Variants in DCAF1 observed in about 807,000 individuals in gnomAD.
DCAF1 encodes the protein DDB1- and CUL4-associated factor 1.
A neutral mutation model predicts 128.0 loss-of-function variants in DCAF1; 15 were observed. The observed-to-expected ratio is 0.12, with a 90% CI of 0.08 to 0.18. The LOEUF is 0.18. DCAF1 is among the 10% of genes least tolerant of loss of function. The pLI is 1.00. For missense variants in DCAF1, 988 were observed against 1,649.5 expected (o/e 0.60, Z 6.95); for synonymous variants, 610 against 603.0 (o/e 1.01, Z -0.17).
chr3:51,440,031 G>C (rs1016156606), intron 9 of DCAF1: 8 of 335,154 alleles, frequency 2.4e-5, no homozygotes, highest in South Asian at 4.7e-5. Context: ...AGCTGATACA[G>C]GTAATATCTA....
In DCAF1 at chr3:51,466,824, C is replaced by T. The variant is rs781948802; in HGVS notation, c.240G>A (p.Lys80=). The T allele has an allele frequency of 1.5e-4, 241 of 1,613,544 alleles. No homozygotes were observed. Among genetic ancestry groups the T allele is most frequent in the Non-Finnish European group, 1.7e-4 (205 of 1,179,728 alleles). Residue 80 remains lysine (K), a synonymous_variant, in exon 5 of 25, where the codon AAG becomes AAA. Coordinates refer to ENST00000684031, the MANE Select transcript of DCAF1 (RefSeq NM_001387579.1). ...CTACTGCATTCATGAAATCATCATTCTTGAAGAGTATTCTCAGCAAGTGGC... is the reference window on the plus strand; with the variant it reads ...CTACTGCATTCATGAAATCATCATTTTTGAAGAGTATTCTCAGCAAGTGGC... ...MLGHLLRILF[K]NDDFMNALVN...
intron 6 of DCAF1, among the ~76,000 whole-genome samples, chr3:51,451,252 C>CAT (rs375310643): frequency 2.0e-3 from 296 of 149,236 alleles, no homozygotes; most frequent in Non-Finnish European, 3.5e-3. Context: ...CCACACTCAG[C>CAT]ATATATATAT....
chr3:51,404,804 G>C (rs1042412969), intron 23 of DCAF1, among the ~76,000 whole-genome samples: 8 of 152,134 alleles, frequency 5.3e-5, no homozygotes, highest in African/African-American at 1.9e-4. Flanking sequence ...CTATTCCAAA[G>C]CCTTGGCCAC....
chr3:51,419,445 T>C (rs1009460709), intron 15 of DCAF1, among the ~76,000 whole-genome samples: 1 of 152,134 alleles, frequency 6.6e-6, no homozygotes, highest in African/African-American at 2.4e-5. Context: ...AGGAAGCAAC[T>C]TGCACCAGCA....
intron 23 of DCAF1, among the ~76,000 whole-genome samples, chr3:51,404,614 A>G (rs552326550): frequency 3.9e-5 from 6 of 152,206 alleles, no homozygotes; most frequent in Non-Finnish European, 8.8e-5. Flanking sequence ...ACTTTTTGAT[A>G]AACTGTGTAA....
chr3:51,455,122 T>A (rs1553642526), intron 6 of DCAF1, among the ~76,000 whole-genome samples: 1 of 152,148 alleles, frequency 6.6e-6, no homozygotes, highest in African/African-American at 2.4e-5. Context: ...AATGTAAAGC[T>A]CTCATGTTGC....
intron 1 of DCAF1, among the ~76,000 whole-genome samples, chr3:51,498,771 A>C (rs1553662656): frequency 6.6e-6 from 1 of 152,174 alleles, no homozygotes; most frequent in African/African-American, 2.4e-5. Flanking sequence ...AGAAAACCCA[A>C]ATGGTCACAT....
rs1708687202 is a variant in DCAF1 at position 51,499,940 on chromosome 3, C to T, written c.-123G>A. On this transcript the variant is annotated 5_prime_UTR_variant, in exon 1 of 25. Coordinates refer to ENST00000684031, the MANE Select transcript of DCAF1 (RefSeq NM_001387579.1). ...GTGGCCACAGTTCACACACACACAG[C>T]CTCAGGTCCCGCACTCACTCTCCAC... is the stretch of plus-strand genomic sequence containing the variant. 6.8e-6 allele frequency: 1 copy of T among 147,720 alleles called. No individual in the cohort carries two copies. Among genetic ancestry groups the T allele is most frequent in the Admixed American group, 6.7e-5 (1 of 14,898 alleles). The allele number at this position is 147,720 out of a possible 1,614,324, so 9.2% of individuals were successfully genotyped here.
upstream of DCAF1, chr3:51,500,151 A>T (rs1253935996): frequency 2.0e-5 from 2 of 100,012 alleles, no homozygotes; most frequent in Non-Finnish European, 4.3e-5. Flanking sequence ...AAAAAAAAAA[A>T]ATCGAAGAGC....
intron 5 of DCAF1, 133 bp downstream of exon 5, chr3:51,466,670 C>G (rs1553646608): frequency 1.3e-6 from 1 of 752,482 alleles, no homozygotes; most frequent in Non-Finnish European, 2.2e-6. Flanking sequence ...TGGCCACAAC[C>G]AGGACTTTGG....
At chr3:51,412,834 A>G in intron 22 of DCAF1, among the ~76,000 whole-genome samples, 159 bp downstream of exon 22, 1 of 152,198 alleles carries the variant, frequency 6.6e-6, no homozygotes, top group Admixed American at 6.5e-5. Flanking sequence ...TTTGTACTGT[A>G]CATCTCCCAA....
chr3:51,431,634 C>T (rs1397634880), intron 10 of DCAF1, among the ~76,000 whole-genome samples: 2 of 151,990 alleles, frequency 1.3e-5, no homozygotes, highest in African/African-American at 4.8e-5. Flanking sequence ...TTTATTATCT[C>T]CATAACAAAC....
At chr3:51,426,056 G>A (rs1699882101) in intron 13 of DCAF1, among the ~76,000 whole-genome samples, 1 of 152,128 alleles carries the variant, frequency 6.6e-6, no homozygotes, top group Admixed American at 6.5e-5. Flanking sequence ...TTCTCTCATT[G>A]CATAGTAAGA....
chr3:51,491,146 G>A (rs1184260425), intron 2 of DCAF1, among the ~76,000 whole-genome samples: 16 of 150,774 alleles, frequency 1.1e-4, no homozygotes, highest in African/African-American at 3.4e-4. Flanking sequence ...TCAAGAGATC[G>A]AGACCATTCT....
chr3:51,475,718 G>A (rs908394222), intron 3 of DCAF1, among the ~76,000 whole-genome samples: 2 of 152,148 alleles, frequency 1.3e-5, no homozygotes, highest in African/African-American at 4.8e-5. Context: ...AAAATTAGCC[G>A]GGCACGGTGG....
At position 51,398,716 on chromosome 3, in the gene DCAF1, A is replaced by G; in HGVS notation, c.*53T>C. The G allele has an allele frequency of 2.6e-6, 4 of 1,554,914 alleles. No individual in the cohort carries two copies. Among genetic ancestry groups the G allele is most frequent in the Non-Finnish European group, 3.5e-6 (4 of 1,149,676 alleles). On this transcript the variant is annotated 3_prime_UTR_variant, in exon 25 of 25. Transcript: ENST00000684031. ...AGAGAAGGGAATATGTTCTGAATTC[A>G]TTTGACTCAGTTTCTCGCCTGCCAA... is the stretch of plus-strand genomic sequence containing the variant.
At chr3:51,430,598 G>A (rs1001022182) in intron 10 of DCAF1, among the ~76,000 whole-genome samples, 3 of 152,104 alleles carry the variant, frequency 2.0e-5, no homozygotes, top group Non-Finnish European at 4.4e-5. Flanking sequence ...CTAGGAGTTT[G>A]GTATTCATTC....
chr3:51,410,323 T>C (rs1161988254), intron 23 of DCAF1, among the ~76,000 whole-genome samples: 1 of 152,202 alleles, frequency 6.6e-6, no homozygotes, highest in Non-Finnish European at 1.5e-5. Context: ...GTCAAAACAG[T>C]GAAGACCAAG....
intron 6 of DCAF1, among the ~76,000 whole-genome samples, chr3:51,462,290 C>T (rs377206953): frequency 1.3e-5 from 2 of 151,886 alleles, no homozygotes; most frequent in East Asian, 1.9e-4. Context: ...GGCATGGTAG[C>T]GTACACCTGT....
Sources: gnomAD v4.1 joint callset for allele counts (sites outside exome capture counted in the v4.1 genomes callset) on GRCh38, gnomAD v4.1.1 for gene constraint, MANE v1.5 for transcripts, NCBI Gene and HGNC (gene_info 2026-07-23, HGNC 2026-07-21) for gene names.